The following TENM3 variants were observed in gnomAD, a reference collection of about 807,000 sequenced individuals.
TENM3 encodes the protein teneurin-3.
Under a neutral mutation model 255.1 loss-of-function variants are expected in TENM3, and 63 were observed. The ratio of observed to expected loss-of-function variants is 0.25; its 90% CI spans 0.20 to 0.30. TENM3 has a LOEUF of 0.30. Among genes scored for constraint, TENM3 ranks in the 10% least tolerant of loss-of-function variants. TENM3 has a pLI of 1.00. For synonymous variants in TENM3, 1,306 were observed against 1,322.3 expected (o/e 0.99, Z 0.27); for missense variants, 2,929 against 3,461.1 (o/e 0.85, Z 3.86).
the TENM3 span, among the ~76,000 whole-genome samples, chr4:181,838,833 G>T: frequency 6.6e-6 from 1 of 151,714 alleles, no homozygotes; most frequent in African/African-American, 2.4e-5. Context: ...TGAAAAAATT[G>T]TTGGCTTTAT....
chr4:182,650,306 G>A (rs1753141081), intron 5 of TENM3, among the ~76,000 whole-genome samples: 1 of 150,042 alleles, frequency 6.7e-6, no homozygotes, highest in Non-Finnish European at 1.5e-5. Context: ...AGCGCCCCCA[G>A]CTTCTTCTTG....
In TENM3 at chr4:182,634,264, C is replaced by T. The variant is rs1044734808; in HGVS notation, c.988+5375C>T. On this transcript the variant is annotated intron_variant, in intron 5 of 27. Coordinates refer to ENST00000511685, the MANE Select transcript of TENM3 (RefSeq NM_001080477.4). ...GCTGTTTTTCATTAAACTCAAACAG[C>T]GACATGGGGCTAGGAACTATCATTT... Among the ~76,000 whole-genome samples, 5 of 152,060 alleles carry T rather than the reference C, an allele frequency of 3.3e-5. 1 individual carries two copies. The highest frequency in any genetic ancestry group is 2.1e-4 in the South Asian group (1 of 4,816).
intron 10 of TENM3, 52 bp downstream of exon 10, chr4:182,680,789 G>A: frequency 7.4e-7 from 1 of 1,345,254 alleles, no homozygotes; most frequent in Non-Finnish European, 9.9e-7. Context: ...TAAAGAAACA[G>A]ATTGTATCTG....
At chr4:182,439,720 C>A (rs1391648759) in intron 3 of TENM3, among the ~76,000 whole-genome samples, 1 of 152,180 alleles carries the variant, frequency 6.6e-6, no homozygotes, top group East Asian at 1.9e-4. Flanking sequence ...TCCTTTAGAT[C>A]GAAAATTGCT....
chr4:181,629,698 G>A, the TENM3 span, among the ~76,000 whole-genome samples: 2 of 152,168 alleles, frequency 1.3e-5, no homozygotes, highest in South Asian at 2.1e-4. Flanking sequence ...ACTTGATCAT[G>A]GTGGATAAGC....
chr4:182,571,252 A>C (rs1371254800), intron 3 of TENM3, among the ~76,000 whole-genome samples: 1 of 152,060 alleles, frequency 6.6e-6, no homozygotes, highest in Non-Finnish European at 1.5e-5. Flanking sequence ...TAGGCCAGGC[A>C]CGATGGCTCC....
the TENM3 span, among the ~76,000 whole-genome samples, chr4:181,706,677 T>A: frequency 6.6e-6 from 1 of 152,220 alleles, no homozygotes; most frequent in Non-Finnish European, 1.5e-5. Context: ...AGGAAGCTGG[T>A]TCCGCATTGG....
intron 18 of TENM3, among the ~76,000 whole-genome samples, chr4:182,741,915 G>A (rs531695316): frequency 1.1e-4 from 17 of 152,248 alleles, no homozygotes; most frequent in South Asian, 6.2e-4. Context: ...AAATTATCCC[G>A]AAGTGGGGGG....
the TENM3 span, among the ~76,000 whole-genome samples, chr4:181,605,556 A>AAGAGAGAGAGAGAG: frequency 3.3e-5 from 1 of 30,526 alleles, no homozygotes; most frequent in East Asian, 8.4e-4. Flanking sequence ...GAAAGAAAGA[A>AAGAGAGAGAGAGAG]AGAAAGAAAG....
the TENM3 span, among the ~76,000 whole-genome samples, chr4:181,926,045 A>G: frequency 8.5e-5 from 13 of 152,350 alleles, no homozygotes; most frequent in East Asian, 2.3e-3. Context: ...TCACTTGAAG[A>G]TAACTAAAGA....
intron 1 of TENM3, among the ~76,000 whole-genome samples, chr4:182,231,090 G>C (rs991201644): frequency 6.6e-6 from 1 of 151,856 alleles, no homozygotes; most frequent in African/African-American, 2.4e-5. Flanking sequence ...TCCAGGGTCA[G>C]AAGAACCTCT....
At chr4:181,728,375 C>A in the TENM3 span, among the ~76,000 whole-genome samples, 1 of 152,242 alleles carries the variant, frequency 6.6e-6, no homozygotes, top group Non-Finnish European at 1.5e-5. Context: ...GGCAGAGCAG[C>A]AACATGGGCT....
At chr4:182,039,287 A>G in the TENM3 span, among the ~76,000 whole-genome samples, 8 of 152,138 alleles carry the variant, frequency 5.3e-5, no homozygotes, top group African/African-American at 1.9e-4. Flanking sequence ...GGATTGCCAC[A>G]CACCCCAGTT....
chr4:181,900,350 A>T, the TENM3 span, among the ~76,000 whole-genome samples: 1 of 152,216 alleles, frequency 6.6e-6, no homozygotes, highest in East Asian at 1.9e-4. Flanking sequence ...AAAGTTCACA[A>T]AAACTTAAAG....
At chr4:182,098,920 A>G in the TENM3 span, among the ~76,000 whole-genome samples, 1 of 150,450 alleles carries the variant, frequency 6.6e-6, no homozygotes, top group African/African-American at 2.5e-5. Flanking sequence ...CTTGTTTAAA[A>G]ATTTTACATT....
At chr4:182,211,309 G>C (rs1317372896) in intron 1 of TENM3, among the ~76,000 whole-genome samples, 1 of 152,120 alleles carries the variant, frequency 6.6e-6, no homozygotes, top group Non-Finnish European at 1.5e-5. Context: ...TTTTCTAGTA[G>C]AAATCAAAGA....
the TENM3 span, among the ~76,000 whole-genome samples, chr4:181,461,701 G>A: frequency 6.6e-6 from 1 of 152,042 alleles, no homozygotes; most frequent in Non-Finnish European, 1.5e-5. Context: ...ATCTTTAGAA[G>A]TTCCACTGGG....
At chr4:182,760,158 C>A (rs1275670868) in intron 22 of TENM3, among the ~76,000 whole-genome samples, 1 of 152,144 alleles carries the variant, frequency 6.6e-6, no homozygotes, top group Admixed American at 6.5e-5. Flanking sequence ...GACACTGTGT[C>A]TTCAGTGAGT....
the TENM3 span, among the ~76,000 whole-genome samples, chr4:181,687,129 C>A: frequency 2.4e-4 from 37 of 152,170 alleles, no homozygotes; most frequent in African/African-American, 8.2e-4. Context: ...TATAGACCTT[C>A]CAAATAAAAT....
Sources: allele counts gnomAD v4.1 joint callset (sites outside exome capture counted in the v4.1 genomes callset), GRCh38; gene constraint gnomAD v4.1.1; transcripts MANE v1.5; gene names NCBI Gene and HGNC (gene_info 2026-07-23, HGNC 2026-07-21).